Variants in SUMF1 observed in about 807,000 individuals in gnomAD.
The protein encoded by SUMF1 is sulfatase modifying factor 1, also known as formylglycine-generating enzyme.
SUMF1 carries 48 observed loss-of-function variants against 47.6 expected under a neutral mutation model. That is an observed-to-expected ratio of 1.01 (90% confidence interval 0.80 to 1.28). The LOEUF is 1.28. Among genes scored for constraint, SUMF1 ranks in the 50% most tolerant of loss-of-function variants. The pLI is 0.00. For missense variants in SUMF1, 571 were observed against 485.4 expected, an observed-to-expected ratio of 1.18 and a Z score of -1.66; for synonymous variants, 230 against 192.1, an observed-to-expected ratio of 1.20 and a Z score of -1.63.
At chr3:4,246,577 T>G (rs1456016541) in intron 8 of SUMF1, among the ~76,000 whole-genome samples, 1 of 152,060 alleles carries the variant, frequency 6.6e-6, no homozygotes, top group Non-Finnish European at 1.5e-5. Context: ...AATTATTGTA[T>G]TTTTAGTAGA....
At chr3:4,236,069 G>A (rs1341772322) in intron 8 of SUMF1, among the ~76,000 whole-genome samples, 2 of 151,998 alleles carry the variant, frequency 1.3e-5, no homozygotes, top group South Asian at 4.1e-4. Context: ...TAGCCCCCCA[G>A]ATAGCTGGGA....
chr3:4,049,802 C>G (rs778594303), intron 9 of SUMF1, among the ~76,000 whole-genome samples: 1 of 152,090 alleles, frequency 6.6e-6, no homozygotes, highest in African/African-American at 2.4e-5. Context: ...CCCAAGCTCT[C>G]GTCCAACATC....
At chr3:4,104,964 T>G (rs1338697282) in intron 8 of SUMF1, among the ~76,000 whole-genome samples, 1 of 152,082 alleles carries the variant, frequency 6.6e-6, no homozygotes, top group Non-Finnish European at 1.5e-5. Context: ...TGCCAAGATA[T>G]GGAATAAACC....
intron 8 of SUMF1, among the ~76,000 whole-genome samples, chr3:4,179,036 A>G (rs769291391): frequency 1.3e-5 from 2 of 152,224 alleles, no homozygotes; most frequent in Non-Finnish European, 2.9e-5. Context: ...TCAAGGAAAT[A>G]AAAGAGGACA....
At chr3:4,207,043 G>A (rs1695668888) in intron 8 of SUMF1, among the ~76,000 whole-genome samples, 1 of 151,788 alleles carries the variant, frequency 6.6e-6, no homozygotes, top group African/African-American at 2.4e-5. Flanking sequence ...ATGTTTTATA[G>A]TTTTTATTAT....
rs376905019 is a variant in SUMF1, at chr3:4,294,320, T to A, written c.1014+82010A>T. On this transcript the variant is annotated intron_variant and NMD_transcript_variant, in intron 8 of 12. Coordinates refer to the SUMF1 transcript ENST00000448413. ...CCACGTCCATTCATTCTCAGCACTT[T>A]GGGAGGCCAAGGCAGAGGGATCATC... Among the ~76,000 whole-genome samples the A allele has an allele frequency of 2.4e-3, 358 of 152,234 alleles. 1 individual carries two copies. The highest frequency in any genetic ancestry group is 8.3e-3 in the African/African-American group (345 of 41,536).
chr3:4,359,521 G>C (rs1054900259), downstream of SUMF1, among the ~76,000 whole-genome samples: 2 of 152,156 alleles, frequency 1.3e-5, no homozygotes, highest in African/African-American at 4.8e-5. Context: ...CTGCTATGAA[G>C]GAATACCCCA....
At chr3:4,310,010 C>T (rs1336676413) in intron 8 of SUMF1, among the ~76,000 whole-genome samples, 1 of 152,154 alleles carries the variant, frequency 6.6e-6, no homozygotes, top group African/African-American at 2.4e-5. Context: ...CCCTATCACT[C>T]CTAGGCTACA....
chr3:4,259,832 G>C (rs1697046674), intron 8 of SUMF1, among the ~76,000 whole-genome samples: 1 of 152,072 alleles, frequency 6.6e-6, no homozygotes, highest in Non-Finnish European at 1.5e-5. Flanking sequence ...CAAAGGGAAG[G>C]CTATTAAAAC....
Position 4,337,840 on chromosome 3 carries a change from A to G in SUMF1, c.1014+38490T>C, listed in dbSNP as rs143533536. 2.2e-3 allele frequency among the ~76,000 whole-genome samples: 330 copies of G among 151,224 alleles called. 5 individuals carry two copies. The highest frequency in any genetic ancestry group is 0.019 in the Admixed American group (287 of 15,142). On this transcript the variant is annotated intron_variant and NMD_transcript_variant, in intron 8 of 12. Transcript: ENST00000448413. ...TGGAAGTGTTTTCTTGCCAATCTGT[A>G]TCTCCTACCCAACTCTTGAAAATAA...
chr3:4,105,246 G>A (rs191778721), intron 8 of SUMF1, among the ~76,000 whole-genome samples: 70 of 152,204 alleles, frequency 4.6e-4, no homozygotes, highest in African/African-American at 1.6e-3. Context: ...ATGAGAAAAG[G>A]GGAGATGTCT....
chr3:4,108,678 T>C (rs999143380), intron 8 of SUMF1, among the ~76,000 whole-genome samples: 78 of 152,256 alleles, frequency 5.1e-4, no homozygotes, highest in African/African-American at 1.8e-3. Context: ...CATTATGTAA[T>C]GGCCTTCTTT....
intron 3 of SUMF1, among the ~76,000 whole-genome samples, chr3:4,442,891 G>T (rs1273976566): frequency 6.6e-6 from 1 of 150,906 alleles, no homozygotes; most frequent in Non-Finnish European, 1.5e-5. Context: ...TAAGAAGTAA[G>T]AGAAGAAGCA....
At chr3:4,462,243 G>A (rs867809813) in intron 1 of SUMF1, among the ~76,000 whole-genome samples, 11 of 152,112 alleles carry the variant, frequency 7.2e-5, no homozygotes, top group Middle Eastern at 3.2e-3. Flanking sequence ...TTTTGACCAC[G>A]GAGATGTAAT....
chr3:4,270,461 A>C (rs1407063542), intron 8 of SUMF1, among the ~76,000 whole-genome samples: 1 of 151,808 alleles, frequency 6.6e-6, no homozygotes, highest in East Asian at 1.9e-4. Context: ...CCACCCACTT[A>C]AATTCAAAGG....
intron 8 of SUMF1, among the ~76,000 whole-genome samples, chr3:4,208,070 T>C (rs944758529): frequency 3.9e-5 from 6 of 152,114 alleles, no homozygotes; most frequent in African/African-American, 1.4e-4. Context: ...TTCTGAAGTA[T>C]GCCAGATCAC....
intron 3 of SUMF1, among the ~76,000 whole-genome samples, chr3:4,434,705 A>G (rs1305853017): frequency 6.6e-6 from 1 of 152,160 alleles, no homozygotes; most frequent in African/African-American, 2.4e-5. Flanking sequence ...AAAAACTACA[A>G]TGTTGTGCTG....
chr3:4,418,230 C>A, intron 4 of SUMF1, 98 bp from the exon 5 acceptor site: 2 of 1,536,628 alleles, frequency 1.3e-6, no homozygotes, highest in Non-Finnish European at 1.8e-6. Flanking sequence ...TCAGTTCAAT[C>A]TGTGACACTG....
chr3:4,303,801 T>A (rs1027849283), intron 8 of SUMF1: 4 of 1,402,934 alleles, frequency 2.9e-6, no homozygotes, highest in African/African-American at 1.4e-5. Context: ...TCCAGTCCTG[T>A]CCTCAGAACT....
Sources: gnomAD v4.1 joint callset for allele counts (sites outside exome capture counted in the v4.1 genomes callset) on GRCh38, gnomAD v4.1.1 for gene constraint, MANE v1.5 for transcripts, NCBI Gene and HGNC (gene_info 2026-07-23, HGNC 2026-07-21) for gene names.